NKX2-2: variants seen among roughly 807,000 people sequenced by gnomAD.
NKX2-2 encodes homeobox protein Nkx-2.2.
A neutral mutation model predicts 24.6 loss-of-function variants in NKX2-2; 8 were observed. That is an observed-to-expected ratio of 0.32 (90% confidence interval 0.19 to 0.59). The LOEUF (loss-of-function observed/expected upper bound fraction) is 0.59. Among genes scored for constraint, NKX2-2 ranks in the 20% least tolerant of loss-of-function variants. NKX2-2 has a pLI of 0.86. For missense variants in NKX2-2, 381 were observed against 373.9 expected (o/e 1.02, Z -0.16); for synonymous variants, 217 against 173.3 (o/e 1.25, Z -1.98).
chr20:21,512,387 C>T lies in NKX2-2; in HGVS notation c.358G>A (p.Gly120Ser), dbSNP rs748038226. ...ESPDNDKETPGGGGDAGKKRK... is the reference protein window; with the variant it reads ...ESPDNDKETPSGGGDAGKKRK... ...TTCTTGCCGGCGTCCCCCCCGCCGC[C>T]CGGGGTCTCCTTGTCATTGTCCGGT... The change falls in exon 2 of 2, where the codon GGC (glycine) becomes AGC (serine). Residue 120 changes from glycine to serine, a missense_variant. Transcript: ENST00000377142. The T allele has an allele frequency of 2.5e-6, 4 of 1,601,444 alleles. No homozygotes were observed. Among genetic ancestry groups the T allele is most frequent in the Non-Finnish European group, 2.6e-6 (3 of 1,175,956 alleles).
upstream of NKX2-2, among the ~76,000 whole-genome samples, chr20:21,515,492 G>C (rs1367536447): frequency 6.6e-6 from 1 of 152,072 alleles, no homozygotes; most frequent in African/African-American, 2.4e-5. Context: ...AGCCACTCTC[G>C]GCTCTGGGAA....
upstream of NKX2-2, chr20:21,514,138 G>C (rs2122545187): frequency 7.0e-6 from 1 of 142,728 alleles, no homozygotes; most frequent in South Asian, 2.4e-4. Flanking sequence ...GAGAGGGGGA[G>C]AAAGAGAGGG....
chr20:21,512,687 G>T (rs1980485291), intron 1 of NKX2-2, among the ~76,000 whole-genome samples: 1 of 152,132 alleles, frequency 6.6e-6, no homozygotes, highest in Non-Finnish European at 1.5e-5. Flanking sequence ...AGGGAAATCC[G>T]TAGGAGTGGG....
At chr20:21,520,575 T>C in the NKX2-2 span, among the ~76,000 whole-genome samples, 37 of 152,334 alleles carry the variant, frequency 2.4e-4, no homozygotes, top group African/African-American at 8.9e-4. Flanking sequence ...GGATGTTAAA[T>C]TGAACACGAA....
chr20:21,515,591 CT>C (rs138462574), upstream of NKX2-2, among the ~76,000 whole-genome samples: 16,468 of 145,864 alleles, frequency 0.11, 1,084 homozygotes, highest in Non-Finnish European at 0.14. Context: ...CTAGTTAAAA[CT>C]TTTTTGGGGG....
At chr20:21,518,791 C>T (rs1315169430), upstream of NKX2-2, among the ~76,000 whole-genome samples, 1 of 152,186 alleles carries the variant, frequency 6.6e-6, no homozygotes, top group Admixed American at 6.5e-5. Context: ...AAGGAAGATA[C>T]AGGAGAGCAG....
the NKX2-2 span, among the ~76,000 whole-genome samples, chr20:21,521,122 C>G: frequency 6.6e-6 from 1 of 151,766 alleles, no homozygotes; most frequent in Admixed American, 6.6e-5. Context: ...GGGAATGCAC[C>G]CTTGGGCCCT....
Position 21,512,597 on chromosome 20 carries a change from C to T in NKX2-2, c.260-112G>A, listed in dbSNP as rs139674328. On this transcript the variant is annotated intron_variant, in intron 1 of 1. Transcript: ENST00000377142. ...TGCGACCCTGGACCTCCGCGCCTGGCAGCCCAGCCCCGCTGCCTTTGCCAT... is the reference window on the plus strand; with the variant it reads ...TGCGACCCTGGACCTCCGCGCCTGGTAGCCCAGCCCCGCTGCCTTTGCCAT... 2.8e-3 allele frequency: 2,220 copies of T among 800,568 alleles called. 36 individuals are homozygous for T. The East Asian group carries it at 0.038, about 14-fold the overall frequency. The allele number at this position is 800,568 out of a possible 1,614,324, so 49.6% of individuals were successfully genotyped here.
At chr20:21,512,551 C>T (rs552004005) in intron 1 of NKX2-2, 66 bp from the exon 2 acceptor site, 1 of 1,243,328 alleles carries the variant, frequency 8.0e-7, no homozygotes, top group Non-Finnish European at 1.1e-6. Context: ...GCACCAGACT[C>T]GGAGCACCCT....
upstream of NKX2-2, among the ~76,000 whole-genome samples, chr20:21,514,532 C>A (rs1275179846): frequency 6.6e-6 from 1 of 151,974 alleles, no homozygotes; most frequent in African/African-American, 2.4e-5. Flanking sequence ...GGGGAGAAAA[C>A]AAAACAGAAA....
At chr20:21,521,029 C>A in the NKX2-2 span, among the ~76,000 whole-genome samples, 3 of 152,072 alleles carry the variant, frequency 2.0e-5, no homozygotes, top group South Asian at 2.1e-4. Flanking sequence ...CTGGGTCGGG[C>A]AGGCTGATGT....
the NKX2-2 span, among the ~76,000 whole-genome samples, chr20:21,519,587 C>G: frequency 6.6e-6 from 1 of 152,326 alleles, no homozygotes; most frequent in Admixed American, 6.5e-5. Context: ...CCAAAACAGC[C>G]CCACTTTGGC....
At chr20:21,517,825 T>C (rs73127865), upstream of NKX2-2, among the ~76,000 whole-genome samples, 13,571 of 152,194 alleles carry the variant, frequency 0.089, 796 homozygotes, top group Non-Finnish European at 0.12. Context: ...CTAGGCCTTC[T>C]AGAGCCCAGG....
Position 21,512,340 on chromosome 20 carries a change from G to C in NKX2-2, c.405C>G (p.Phe135Leu). 6.2e-7 allele frequency: 1 copy of C among 1,612,650 alleles called. No homozygotes were observed. Among genetic ancestry groups the C allele is most frequent in the Non-Finnish European group, 8.5e-7 (1 of 1,179,568 alleles). Residue 135 changes from phenylalanine (F) to leucine (L), a missense_variant, in exon 2 of 2, where the codon TTC (phenylalanine) becomes TTG (leucine). This residue lies in a region of NKX2-2 where 36 missense variants were observed against 79.2 expected (regional missense o/e 0.45). Transcript: ENST00000377142. ...CCAGCTCGTAGGTCTGCGCCTTGGA[G>C]AAAAGCACTCGCCGCTTTCGCTTCT... ...AGKKRKRRVL[F>L]SKAQTYELER...
chr20:21,511,379 C>T lies in NKX2-2; in HGVS notation c.*544G>A, dbSNP rs1485270531. The T allele has an allele frequency of 6.6e-6, 1 of 152,490 alleles. No individual in the cohort carries two copies. The highest frequency in any genetic ancestry group is 1.5e-5 in the Non-Finnish European group (1 of 68,032). The allele number at this position is 152,490 out of a possible 1,614,324, so 9.4% of individuals were successfully genotyped here. On this transcript the variant is annotated 3_prime_UTR_variant, in exon 2 of 2. Transcript: ENST00000377142. ...CACCACCGATATTTACAACGAAAAG[C>T]GAAATCTGCCACCAGTTGTCAGAAC...
upstream of NKX2-2, among the ~76,000 whole-genome samples, chr20:21,518,680 G>C (rs1328141489): frequency 3.9e-5 from 6 of 152,240 alleles, no homozygotes; most frequent in Admixed American, 3.9e-4. Flanking sequence ...CACGGGGGCC[G>C]CCCAGAGGCA....
chr20:21,521,533 C>G, the NKX2-2 span, among the ~76,000 whole-genome samples: 3 of 152,238 alleles, frequency 2.0e-5, no homozygotes. Flanking sequence ...GCGACTCCCA[C>G]CACTTGCCCT....
At chr20:21,516,558 A>G (rs548783059), upstream of NKX2-2, among the ~76,000 whole-genome samples, 4 of 152,090 alleles carry the variant, frequency 2.6e-5, no homozygotes, top group East Asian at 7.8e-4. Flanking sequence ...TGGGCCTGCC[A>G]CTGCTATTGT....
chr20:21,514,327 G>A (rs1980557818), upstream of NKX2-2, among the ~76,000 whole-genome samples: 2 of 152,034 alleles, frequency 1.3e-5, no homozygotes, highest in Admixed American at 6.5e-5. Flanking sequence ...GGAGCTCCGC[G>A]CTCCCAGCCA....
Sources: gnomAD v4.1 joint callset for allele counts (sites outside exome capture counted in the v4.1 genomes callset) on GRCh38, gnomAD v4.1.1 for gene constraint, gnomAD v4.1.1 regional missense constraint, MANE v1.5 for transcripts, NCBI Gene and HGNC (gene_info 2026-07-23, HGNC 2026-07-21) for gene names.